The following ZNF652 variants were observed in gnomAD, a reference collection of about 807,000 sequenced individuals.
The protein encoded by ZNF652 is zinc finger protein 652.
A neutral mutation model predicts 45.2 loss-of-function variants in ZNF652; 16 were observed. The observed-to-expected ratio is 0.35, with a 90% CI of 0.24 to 0.54. The LOEUF is 0.54. Among genes scored for constraint, ZNF652 ranks in the 20% least tolerant of loss-of-function variants. ZNF652 has a pLI of 0.91. For synonymous variants in ZNF652, 250 were observed against 260.6 expected, an observed-to-expected ratio of 0.96 and a Z score of 0.39; for missense variants, 614 against 765.6, an observed-to-expected ratio of 0.80 and a Z score of 2.34.
chr17:49,343,040 C>G (rs1366452862), intron 1 of ZNF652, among the ~76,000 whole-genome samples: 1 of 151,990 alleles, frequency 6.6e-6, no homozygotes, highest in African/African-American at 2.4e-5. Flanking sequence ...TGCCACCACA[C>G]CCGGCTAATT....
chr17:49,355,897 TA>T lies in ZNF652; in HGVS notation c.-259+6011del, dbSNP rs998718071. 2.4e-4 allele frequency among the ~76,000 whole-genome samples: 36 copies of T among 149,162 alleles called. 1 individual carries two copies. The highest frequency in any genetic ancestry group is 9.8e-4 in the East Asian group (5 of 5,104). Reference sequence around the variant, plus strand: ...CTGGGCAACATAGCGAGACACCAATTAAAAAAAAAATAGTATCTAAAAAACA... The same window carrying T: ...CTGGGCAACATAGCGAGACACCAATTAAAAAAAAATAGTATCTAAAAAACA... On this transcript the variant is annotated intron_variant, in intron 1 of 5. Coordinates refer to ENST00000430262, the MANE Select transcript of ZNF652 (RefSeq NM_001145365.3).
intron 1 of ZNF652, among the ~76,000 whole-genome samples, chr17:49,349,236 A>G (rs1305643341): frequency 3.3e-5 from 5 of 152,180 alleles, no homozygotes; most frequent in Non-Finnish European, 4.4e-5. Context: ...ACCCTGGCCA[A>G]TATGGTGAAA....
intron 1 of ZNF652, among the ~76,000 whole-genome samples, chr17:49,320,072 T>C (rs1302439582): frequency 6.6e-6 from 1 of 152,142 alleles, no homozygotes; most frequent in East Asian, 1.9e-4. Flanking sequence ...TTTCAGATAT[T>C]ACCTTGTCTT....
At chr17:49,340,308 C>A (rs2070130871) in intron 1 of ZNF652, among the ~76,000 whole-genome samples, 1 of 152,040 alleles carries the variant, frequency 6.6e-6, no homozygotes, top group African/African-American at 2.4e-5. Context: ...ATAATCCCAG[C>A]ACTTTGGGAG....
At position 49,317,102 on chromosome 17, in the gene ZNF652, T is replaced by C. The variant is rs1413425823; in HGVS notation, c.624A>G (p.Arg208=). Residue 208 remains arginine (R), a synonymous_variant, in exon 2 of 6, where the codon AGA becomes AGG. Coordinates refer to ENST00000430262, the MANE Select transcript of ZNF652 (RefSeq NM_001145365.3). ...CACTCTTCCTACGACCTCTTGTAGT[T>C]CTGGGAGTAGGGGAAGTGGTAGCTG... ...VAAATTSPTP[R]TTRGRRKSVE... 1.9e-6 allele frequency: 3 copies of C among 1,614,116 alleles called. No homozygotes were observed. The South Asian group carries it at 3.3e-5, about 18-fold the overall frequency.
At chr17:49,341,476 G>A (rs1184345055) in intron 1 of ZNF652, among the ~76,000 whole-genome samples, 2 of 103,268 alleles carry the variant, frequency 1.9e-5, no homozygotes, top group Non-Finnish European at 3.6e-5. Context: ...AACATAGTAC[G>A]ACCTCATCTC....
At position 49,291,384 on chromosome 17, in the gene ZNF652, C is replaced by T. The variant is rs536516152; in HGVS notation, c.*7029G>A. The T allele has an allele frequency of 6.6e-6, 1 of 152,346 alleles. No homozygotes were observed. Among genetic ancestry groups the T allele is most frequent in the Middle Eastern group, 3.4e-3 (1 of 294 alleles). 9.4% of individuals were successfully genotyped at this position (152,346 alleles called of 1,614,324 possible). On this transcript the variant is annotated 3_prime_UTR_variant, in exon 6 of 6. Transcript: ENST00000430262. ...TTTAGTTGATCAGAACTAGCCAAGG[C>T]AAGTATCAGATTTCCTTCTGAAGTT...
rs144238130 is a variant in ZNF652 at position 49,317,045 on chromosome 17, T to C, written c.681A>G (p.Thr227=). 18 of 1,614,088 alleles carry C rather than the reference T, an allele frequency of 1.1e-5. No individual in the cohort carries two copies. Among genetic ancestry groups the C allele is most frequent in the Admixed American group, 1.7e-5 (1 of 60,000 alleles). ...VEPPKRKKRA[T]KEPKAPVQKA... The stretch of plus-strand genomic sequence containing the variant: ...TCTGGACTGGTGCTTTGGGCTCCTT[T>C]GTGGCCCGCTTCTTACGCTTAGGTG... Residue 227 remains threonine, a synonymous_variant, in exon 2 of 6, where the codon ACA becomes ACG. Transcript: ENST00000430262.
chr17:49,334,763 A>G (rs1243550279), intron 1 of ZNF652, among the ~76,000 whole-genome samples: 2 of 148,412 alleles, frequency 1.3e-5, no homozygotes, highest in African/African-American at 2.5e-5. Context: ...TGGGAGACAG[A>G]GCAAGACTCG....
intron 1 of ZNF652, among the ~76,000 whole-genome samples, chr17:49,345,674 T>C (rs2070197529): frequency 6.6e-6 from 1 of 150,696 alleles, no homozygotes; most frequent in African/African-American, 2.4e-5. Context: ...TCCCTGTCTC[T>C]ACTAAAAATA....
chr17:49,344,308 T>C (rs1364275979), intron 1 of ZNF652, among the ~76,000 whole-genome samples: 1 of 151,848 alleles, frequency 6.6e-6, no homozygotes, highest in African/African-American at 2.4e-5. Flanking sequence ...AAAGTTGCAA[T>C]GAGCTGTGAT....
intron 1 of ZNF652, among the ~76,000 whole-genome samples, chr17:49,339,090 G>C (rs1281787102): frequency 6.6e-6 from 1 of 151,916 alleles, no homozygotes; most frequent in Non-Finnish European, 1.5e-5. Context: ...AGCTGTGGGT[G>C]ATACTTAACC....
At chr17:49,322,771 G>C (rs2069910711) in intron 1 of ZNF652, among the ~76,000 whole-genome samples, 1 of 152,186 alleles carries the variant, frequency 6.6e-6, no homozygotes, top group Non-Finnish European at 1.5e-5. Context: ...TGTAGTCCGA[G>C]CTACTCGGGA....
chr17:49,327,913 T>C (rs1213274853), intron 1 of ZNF652, among the ~76,000 whole-genome samples: 1 of 151,378 alleles, frequency 6.6e-6, no homozygotes, highest in South Asian at 2.1e-4. Flanking sequence ...CCATCACACC[T>C]GTAATTTTTT....
intron 4 of ZNF652, 78 bp from the exon 5 acceptor site, chr17:49,311,534 T>C: frequency 2.1e-6 from 3 of 1,423,724 alleles, no homozygotes; most frequent in Non-Finnish European, 2.8e-6. Context: ...CAGTCTCTGA[T>C]ACTAGGCTTA....
At position 49,351,008 on chromosome 17, in the gene ZNF652, TATATATACACACACAC is replaced by T. The variant is rs1232899488; in HGVS notation, c.-259+10885_-259+10900del. ...ATATATATATATATATATATATATA[TATATATACACACACAC>T]ACACACACACACACACACACACACA... On this transcript the variant is annotated intron_variant, in intron 1 of 5. Coordinates refer to ENST00000430262, the MANE Select transcript of ZNF652 (RefSeq NM_001145365.3). Among the ~76,000 whole-genome samples the T allele has an allele frequency of 1.1e-3, 21 of 18,458 alleles. 1 individual carries two copies. The highest frequency in any genetic ancestry group is 6.0e-3 in the African/African-American group (21 of 3,504). The allele number at this position is 18,458 out of a possible 152,430, so 12.1% of individuals were successfully genotyped here.
At chr17:49,326,575 G>GA (rs367999683) in intron 1 of ZNF652, among the ~76,000 whole-genome samples, 8 of 152,206 alleles carry the variant, frequency 5.3e-5, no homozygotes, top group African/African-American at 1.9e-4. Context: ...AGGGACCAAA[G>GA]AAAAAACCGA....
intron 1 of ZNF652, among the ~76,000 whole-genome samples, chr17:49,339,724 T>G (rs1248259350): frequency 6.6e-6 from 1 of 152,204 alleles, no homozygotes; most frequent in Non-Finnish European, 1.5e-5. Context: ...TTCTGGAATT[T>G]TTTTTGTGTA....
rs370792940 is a variant in ZNF652, at chr17:49,351,014, TACACACACACACACACACAC to T, written c.-259+10875_-259+10894del. Among the ~76,000 whole-genome samples, 222 of 29,720 alleles carry T rather than the reference TACACACACACACACACACAC, an allele frequency of 7.5e-3. 5 individuals carry two copies. Among genetic ancestry groups the T allele is most frequent in the African/African-American group, 0.023 (205 of 8,950 alleles). 19.5% of individuals were successfully genotyped at this position (29,720 alleles called of 152,430 possible). A position where few individuals can be genotyped will look rare whatever the true frequency, so the allele number is the denominator to read the frequency against. ...ATATATATATATATATATATATATA[TACACACACACACACACACAC>T]ACACACACACACACACACACATATT... On this transcript the variant is annotated intron_variant, in intron 1 of 5. Coordinates refer to ENST00000430262, the MANE Select transcript of ZNF652 (RefSeq NM_001145365.3).
Sources: allele counts gnomAD v4.1 joint callset (sites outside exome capture counted in the v4.1 genomes callset), GRCh38; gene constraint gnomAD v4.1.1; transcripts MANE v1.5; gene names NCBI Gene and HGNC (gene_info 2026-07-23, HGNC 2026-07-21).